Variants in CD3G observed in about 807,000 individuals in gnomAD.
The protein encoded by CD3G is CD3 gamma subunit of T-cell receptor complex, also known as T-cell surface glycoprotein CD3 gamma chain.
Under a neutral mutation model 28.3 loss-of-function variants are expected in CD3G, and 24 were observed. The observed-to-expected ratio is 0.85, with a 90% confidence interval of 0.61 to 1.19. CD3G has a LOEUF of 1.19. Among genes scored for constraint, CD3G ranks in the 50% most tolerant of loss-of-function variants. The probability of loss-of-function intolerance (pLI) is 0.00; values close to 1 mark genes in which losing one functional copy is unlikely to be tolerated. For synonymous variants in CD3G, 71 were observed against 75.9 expected, an observed-to-expected ratio of 0.93 and a Z score of 0.34; for missense variants, 211 against 210.0, an observed-to-expected ratio of 1.00 and a Z score of -0.03.
rs1948438951 is a variant in CD3G at position 118,355,116 on chromosome 11, C to T, written c.*2016C>T. 1 of 151,836 alleles carries T rather than the reference C, an allele frequency of 6.6e-6. No individual in the cohort carries two copies. The highest frequency in any genetic ancestry group is 1.5e-5 in the Non-Finnish European group (1 of 67,926). The allele number at this position is 151,836 out of a possible 1,614,324, so 9.4% of individuals were successfully genotyped here. ...AACAATAAATGTGATTTTGAACATA[C>T]ATAAGACTATTTGTAACAAACACAA... On this transcript the variant is annotated 3_prime_UTR_variant, in exon 7 of 7. Transcript: ENST00000532917.
In CD3G at chr11:118,353,488, G is replaced by A. The variant is rs1948426547; in HGVS notation, c.*388G>A. 6.8e-6 allele frequency: 1 copy of A among 148,076 alleles called. No individual in the cohort carries two copies. Among genetic ancestry groups the A allele is most frequent in the Non-Finnish European group, 1.5e-5 (1 of 67,314 alleles). The allele number at this position is 148,076 out of a possible 1,614,324, so 9.2% of individuals were successfully genotyped here. ...CCACCGCCATCCCCTGCTACCCAGT[G>A]ACCCTGTTGCCCTCTTCAGAGACAA... On this transcript the variant is annotated 3_prime_UTR_variant, in exon 7 of 7. Transcript: ENST00000532917.
chr11:118,350,040 C>A, intron 3 of CD3G, 70 bp downstream of exon 3: 1 of 1,202,894 alleles, frequency 8.3e-7, no homozygotes, highest in Non-Finnish European at 1.2e-6. Context: ...AGCTTTTTAT[C>A]TGGGGTGAAA....
rs115443256 is a variant in CD3G at position 118,349,396 on chromosome 11, G to C, written c.79+346G>C. On this transcript the variant is annotated intron_variant, in intron 2 of 6. Coordinates refer to ENST00000532917, the MANE Select transcript of CD3G (RefSeq NM_000073.3). ...CTTTAGTTCATCTATTCTACCCAAA[G>C]TGATCTCATCATCTGGTATGCTGTT... is the stretch of plus-strand genomic sequence containing the variant. 1,112 of 898,448 alleles carry C rather than the reference G, an allele frequency of 1.2e-3. 6 individuals are homozygous for C. In the African/African-American group the frequency reaches 0.017, roughly 14 times the overall value. The allele number at this position is 898,448 out of a possible 1,614,324, so 55.7% of individuals were successfully genotyped here.
chr11:118,354,251 C>A lies in CD3G; in HGVS notation c.*1151C>A, dbSNP rs1443578300. On this transcript the variant is annotated 3_prime_UTR_variant, in exon 7 of 7. Coordinates refer to ENST00000532917, the MANE Select transcript of CD3G (RefSeq NM_000073.3). ...AATTTAACTAATTGTACAGCCATTA[C>A]CATAATCCAGCTTTAGGACATTTTC... The A allele has an allele frequency of 1.3e-5, 2 of 152,000 alleles. No homozygotes were observed. The highest frequency in any genetic ancestry group is 2.9e-5 in the Non-Finnish European group (2 of 68,016). 9.4% of individuals were successfully genotyped at this position (152,000 alleles called of 1,614,324 possible).
At chr11:118,348,925 G>T in intron 1 of CD3G, 102 bp from the exon 2 acceptor site, 1 of 1,302,730 alleles carries the variant, frequency 7.7e-7, no homozygotes, top group Non-Finnish European at 1.1e-6. Context: ...TCATGGATTT[G>T]GATCTTTCTT....
chr11:118,351,470 G>C (rs962652904), intron 4 of CD3G, among the ~76,000 whole-genome samples, 158 bp from the exon 5 acceptor site: 1 of 152,112 alleles, frequency 6.6e-6, no homozygotes, highest in African/African-American at 2.4e-5. Context: ...AAGTATTCTT[G>C]TGAGTAGCTT....
intron 5 of CD3G, 47 bp downstream of exon 5, chr11:118,351,718 T>C: frequency 6.3e-7 from 1 of 1,579,812 alleles, no homozygotes; most frequent in Non-Finnish European, 8.7e-7. Flanking sequence ...TTAGTGGGGG[T>C]AAATCTTTGG....
In CD3G at chr11:118,353,473, C is replaced by G. The variant is rs1164544321; in HGVS notation, c.*373C>G. ...GTGAAAGCTCTCCCTCCACCGCCATCCCCTGCTACCCAGTGACCCTGTTGC... is the reference window on the plus strand; with the variant it reads ...GTGAAAGCTCTCCCTCCACCGCCATGCCCTGCTACCCAGTGACCCTGTTGC... On this transcript the variant is annotated 3_prime_UTR_variant, in exon 7 of 7. Transcript: ENST00000532917. 6.6e-6 allele frequency: 1 copy of G among 151,568 alleles called. No homozygotes were observed. The highest frequency in any genetic ancestry group is 1.5e-5 in the Non-Finnish European group (1 of 67,988). The allele number at this position is 151,568 out of a possible 1,614,324, so 9.4% of individuals were successfully genotyped here. A position where few individuals can be genotyped will look rare whatever the true frequency, so the allele number is the denominator to read the frequency against.
rs145760586 is a variant in CD3G at position 118,350,342 on chromosome 11, T to C, written c.308-210T>C. The C allele has an allele frequency of 5.8e-4, 354 of 613,698 alleles. No individual in the cohort carries two copies. The East Asian group carries it at 6.9e-3, about 12-fold the overall frequency. 38.0% of individuals were successfully genotyped at this position (613,698 alleles called of 1,614,324 possible). Reference sequence around the variant, plus strand: ...TCTGTTCCAGATACTTCCTGGTAGTTAGACTACATGGGCTTCCCCAGGAAT... The same window carrying C: ...TCTGTTCCAGATACTTCCTGGTAGTCAGACTACATGGGCTTCCCCAGGAAT... On this transcript the variant is annotated intron_variant, in intron 3 of 6. Coordinates refer to ENST00000532917, the MANE Select transcript of CD3G (RefSeq NM_000073.3).
rs181630223 is a variant in CD3G, at chr11:118,349,661, T to C, written c.80-82T>C. On this transcript the variant is annotated intron_variant, in intron 2 of 6. Transcript: ENST00000532917. ...CACATCAAAGTTTGAGAAACACTACTCTAATGATCTCCTGGTATGCAGAAG... is the reference window on the plus strand; with the variant it reads ...CACATCAAAGTTTGAGAAACACTACCCTAATGATCTCCTGGTATGCAGAAG... 5 of 1,048,892 alleles carry C rather than the reference T, an allele frequency of 4.8e-6. No individual in the cohort carries two copies. In the Admixed American group the frequency reaches 8.9e-5, roughly 19 times the overall value. 65.0% of individuals were successfully genotyped at this position (1,048,892 alleles called of 1,614,324 possible).
intron 1 of CD3G, among the ~76,000 whole-genome samples, chr11:118,345,321 A>G (rs1003184050): frequency 6.6e-6 from 1 of 152,238 alleles, no homozygotes; most frequent in Non-Finnish European, 1.5e-5. Flanking sequence ...GAGAATTACC[A>G]AGAGTATAAA....
At chr11:118,351,129 G>A (rs1244352385) in intron 4 of CD3G, among the ~76,000 whole-genome samples, 1 of 146,452 alleles carries the variant, frequency 6.8e-6, no homozygotes, top group African/African-American at 2.5e-5. Flanking sequence ...CGGAGCTTGC[G>A]TGAGCCGAGA....
chr11:118,351,200 A>AC (rs1184861186), intron 4 of CD3G, among the ~76,000 whole-genome samples: 1 of 151,684 alleles, frequency 6.6e-6, no homozygotes, highest in African/African-American at 2.4e-5. Flanking sequence ...AAAAAAAAAA[A>AC]AAAAAACTAT....
intron 1 of CD3G, among the ~76,000 whole-genome samples, chr11:118,345,251 GAAATAATC>G (rs1039575059): frequency 2.6e-5 from 4 of 152,278 alleles, no homozygotes; most frequent in African/African-American, 9.6e-5. Flanking sequence ...TCAAAGAGCT[GAAATAATC>G]AAATGTATGC....
At chr11:118,348,577 T>C (rs1358876122) in intron 1 of CD3G, among the ~76,000 whole-genome samples, 1 of 152,164 alleles carries the variant, frequency 6.6e-6, no homozygotes, top group African/African-American at 2.4e-5. Flanking sequence ...TATCTTTACA[T>C]AGGCATGATT....
At chr11:118,346,389 ACGGTGCCACTGCACTCCAGCCTGGG>A (rs1378093382) in intron 1 of CD3G, among the ~76,000 whole-genome samples, 4 of 152,142 alleles carry the variant, frequency 2.6e-5, no homozygotes, top group Non-Finnish European at 1.5e-5. Flanking sequence ...GTGAGCCAAC[ACGGTGCCACTGCACTCCAGCCTGGG>A]CGACAGAGTG....
chr11:118,350,906 A>C (rs1948403659), intron 4 of CD3G: 4 of 1,292,650 alleles, frequency 3.1e-6, no homozygotes, highest in Admixed American at 6.3e-5. Context: ...AAAAAAAACA[A>C]AAACAGGCGC....
rs766287285 is a variant in CD3G at position 118,349,774 on chromosome 11, A to G, written c.111A>G (p.Gln37=). Residue 37 remains glutamine, a synonymous_variant, in exon 3 of 7, where the codon CAA becomes CAG. Coordinates refer to ENST00000532917, the MANE Select transcript of CD3G (RefSeq NM_000073.3). The part of the protein sequence containing the change: ...GNHLVKVYDY[Q]EDGSVLLTCD... ...ACTTGGTTAAGGTGTATGACTATCAAGAAGATGGTTCGGTACTTCTGACTT... is the reference window on the plus strand; with the variant it reads ...ACTTGGTTAAGGTGTATGACTATCAGGAAGATGGTTCGGTACTTCTGACTT... 7.4e-6 allele frequency: 12 copies of G among 1,614,006 alleles called. No homozygotes were observed. The East Asian group carries it at 8.9e-5, about 12-fold the overall frequency.
At position 118,352,258 on chromosome 11, in the gene CD3G, C is replaced by T. The variant is rs1047282464; in HGVS notation, c.484-146C>T. 42 of 750,014 alleles carry T rather than the reference C, an allele frequency of 5.6e-5. No homozygotes were observed. The South Asian group carries it at 5.9e-4, about 11-fold the overall frequency. The allele number at this position is 750,014 out of a possible 1,614,324, so 46.5% of individuals were successfully genotyped here. ...AGAGAGAAAAAGAAAAAAGACAGAG[C>T]CTCCATCTCCTTGTCCTCTTTCCAT... is the stretch of plus-strand genomic sequence containing the variant. On this transcript the variant is annotated intron_variant, in intron 5 of 6. Coordinates refer to ENST00000532917, the MANE Select transcript of CD3G (RefSeq NM_000073.3).
Sources: allele counts gnomAD v4.1 joint callset (sites outside exome capture counted in the v4.1 genomes callset), GRCh38; gene constraint gnomAD v4.1.1; transcripts MANE v1.5; gene names NCBI Gene and HGNC (gene_info 2026-07-23, HGNC 2026-07-21).